RP1: variants seen among roughly 807,000 people sequenced by gnomAD.
The protein encoded by RP1 is oxygen-regulated protein 1.
Under a neutral mutation model 14.8 loss-of-function variants are expected in RP1, and 16 were observed. That is an observed-to-expected ratio of 1.08 (90% CI 0.73 to 1.65). The LOEUF (loss-of-function observed/expected upper bound fraction) is 1.65. Ranked by LOEUF, RP1 falls within the 40% of genes most tolerant of loss-of-function variation. The pLI, the probability that RP1 is intolerant of heterozygous loss-of-function variation, is 0.00. For missense variants in RP1, 2,631 were observed against 2,535.0 expected (o/e 1.04, Z -0.81); for synonymous variants, 876 against 883.6 (o/e 0.99, Z 0.15).
chr8:54,609,383 G>A (rs978805044), intron 1 of RP1, among the ~76,000 whole-genome samples: 1 of 152,122 alleles, frequency 6.6e-6, no homozygotes, highest in Non-Finnish European at 1.5e-5. Context: ...GAGCCTGGGA[G>A]GTAGAGGCTG....
At chr8:54,760,397 G>C (rs1301177576) in intron 22 of RP1, among the ~76,000 whole-genome samples, 1 of 152,082 alleles carries the variant, frequency 6.6e-6, no homozygotes, top group Non-Finnish European at 1.5e-5. Context: ...GCATCATTCT[G>C]ACTTTATCTT....
chr8:54,811,874 C>T (rs1811003832), intron 24 of RP1, among the ~76,000 whole-genome samples: 1 of 152,240 alleles, frequency 6.6e-6, no homozygotes, highest in African/African-American at 2.4e-5. Context: ...CCTTCCTTCA[C>T]ACTATTCAGC....
chr8:54,852,818 A>T lies in RP1; in HGVS notation c.3990+90A>T, dbSNP rs1226939236. 7.3e-6 allele frequency: 7 copies of T among 964,096 alleles called. No homozygotes were observed. The African/African-American group carries it at 1.2e-4, about 16-fold the overall frequency. The allele number at this position is 964,096 out of a possible 1,614,324, so 59.7% of individuals were successfully genotyped here. A position where few individuals can be genotyped will look rare whatever the true frequency, so the allele number is the denominator to read the frequency against. On this transcript the variant is annotated intron_variant, in intron 26 of 28. Coordinates refer to the RP1 transcript ENST00000637698. Reference sequence around the variant, plus strand: ...CACACACAAACAGAAAATTTCTGAGATGCTCAGTTGATTCCTGTGAGGAAT... The same window carrying T: ...CACACACAAACAGAAAATTTCTGAGTTGCTCAGTTGATTCCTGTGAGGAAT...
intron 24 of RP1, among the ~76,000 whole-genome samples, chr8:54,821,142 G>A (rs1369274092): frequency 6.6e-6 from 1 of 152,062 alleles, no homozygotes; most frequent in Non-Finnish European, 1.5e-5. Flanking sequence ...AGAGAAGGTA[G>A]GTGTAGAAAA....
At chr8:54,654,304 A>G (rs141152549) in intron 5 of RP1, among the ~76,000 whole-genome samples, 1 of 152,218 alleles carries the variant, frequency 6.6e-6, no homozygotes, top group Non-Finnish European at 1.5e-5. Flanking sequence ...ATTCCATGAT[A>G]GCAACAATAA....
chr8:54,645,316 A>G (rs1806523168), intron 3 of RP1, among the ~76,000 whole-genome samples: 1 of 152,216 alleles, frequency 6.6e-6, no homozygotes, highest in African/African-American at 2.4e-5. Context: ...TTTCCAAAGT[A>G]TTATGCCATT....
chr8:54,785,609 C>T (rs1810298534), intron 24 of RP1, among the ~76,000 whole-genome samples: 1 of 152,048 alleles, frequency 6.6e-6, no homozygotes, highest in African/African-American at 2.4e-5. Flanking sequence ...AACTGCCAAA[C>T]TGTTTTCCAA....
At chr8:54,673,745 A>AACG (rs1807232804) in intron 7 of RP1, 5 of 980,562 alleles carry the variant, frequency 5.1e-6, no homozygotes, top group Non-Finnish European at 7.4e-6. Flanking sequence ...GTCTCAAAAC[A>AACG]ACAACAACAA....
chr8:54,577,753 C>G (rs1022731561), intron 1 of RP1, among the ~76,000 whole-genome samples: 1 of 152,084 alleles, frequency 6.6e-6, no homozygotes, highest in African/African-American at 2.4e-5. Flanking sequence ...AGTTTAACTA[C>G]CCCTCACGGA....
At chr8:54,863,044 GATATATATATATATATATATAT>G (rs61233765) in intron 27 of RP1, among the ~76,000 whole-genome samples, 5 of 101,834 alleles carry the variant, frequency 4.9e-5, no homozygotes, top group Admixed American at 3.3e-4. Flanking sequence ...ATTCCAAATG[GATATATATATATATATATATAT>G]ATATATATAT....
At chr8:54,798,954 CA>C (rs554743343) in intron 24 of RP1, among the ~76,000 whole-genome samples, 4 of 151,738 alleles carry the variant, frequency 2.6e-5, no homozygotes, top group African/African-American at 4.8e-5. Flanking sequence ...ACTATGATAG[CA>C]AAAAATGTTA....
chr8:54,868,906 A>G (rs1219784014), intron 28 of RP1, among the ~76,000 whole-genome samples: 3 of 152,158 alleles, frequency 2.0e-5, no homozygotes, highest in African/African-American at 4.8e-5. Context: ...TAGAGGGGTT[A>G]CATTTTGTGT....
chr8:54,719,461 A>G (rs1237659993), intron 15 of RP1, among the ~76,000 whole-genome samples: 1 of 152,242 alleles, frequency 6.6e-6, no homozygotes, highest in Non-Finnish European at 1.5e-5. Context: ...GGAAATTTTA[A>G]TCCATCCTTA....
rs759131798 is a variant in RP1, at chr8:54,622,265, A to G, written c.764A>G (p.Asn255Ser). The change falls in exon 3 of 4, where the codon AAT (asparagine) becomes AGT (serine). Residue 255 changes from asparagine (N) to serine (S), a missense_variant. Physicochemically the swap from Asn to Ser is conservative, Grantham distance 46 (BLOSUM62 1). Coordinates refer to ENST00000220676, the MANE Select transcript of RP1 (RefSeq NM_006269.2). The part of the protein sequence containing the change: ...GISQRVYPKG[N>S]AKSESRKIST... ...TCTCAGCGTGTGTACCCCAAGGGAA[A>G]TGCAAAGTCAGAAAGCAGAAAGAGT... is the stretch of plus-strand genomic sequence containing the variant. 4.3e-6 allele frequency: 7 copies of G among 1,614,148 alleles called. No individual in the cohort carries two copies. Among genetic ancestry groups the G allele is most frequent in the Non-Finnish European group, 5.9e-6 (7 of 1,180,030 alleles).
chr8:54,678,277 T>G (rs1807342198), intron 8 of RP1, among the ~76,000 whole-genome samples: 1 of 152,236 alleles, frequency 6.6e-6, no homozygotes, highest in Non-Finnish European at 1.5e-5. Context: ...TTTTGTTATA[T>G]GTATAAGAAA....
At chr8:54,593,912 C>T (rs1805089447) in intron 1 of RP1, among the ~76,000 whole-genome samples, 1 of 152,234 alleles carries the variant, frequency 6.6e-6, no homozygotes, top group South Asian at 2.1e-4. Flanking sequence ...AGAGACTGGC[C>T]CACAGGGCAG....
intron 24 of RP1, among the ~76,000 whole-genome samples, chr8:54,799,518 C>T (rs1303490024): frequency 6.6e-6 from 1 of 152,034 alleles, no homozygotes; most frequent in Non-Finnish European, 1.5e-5. Flanking sequence ...GATCTACCAT[C>T]TTGCTAGTTG....
At chr8:54,657,832 A>AG (rs1806789134) in intron 6 of RP1, among the ~76,000 whole-genome samples, 1 of 152,242 alleles carries the variant, frequency 6.6e-6, no homozygotes, top group African/African-American at 2.4e-5. Flanking sequence ...TTTCCTGCGA[A>AG]GGATAAAGGT....
rs768555974 is a variant in RP1 at position 54,626,009 on chromosome 8, A to C, written c.2127A>C (p.Thr709=). 2.5e-6 allele frequency: 4 copies of C among 1,614,032 alleles called. No individual in the cohort carries two copies. Among genetic ancestry groups the C allele is most frequent in the Non-Finnish European group, 3.4e-6 (4 of 1,179,960 alleles). The change falls in exon 4 of 4, where the codon ACA becomes ACC. Residue 709 remains threonine, a synonymous_variant. Coordinates refer to ENST00000220676, the MANE Select transcript of RP1 (RefSeq NM_006269.2). The part of the protein sequence containing the change: ...NERINTKGRI[T]KEMIVQDSDS... ...GAATAAACACAAAAGGTAGAATTAC[A>C]AAGGAAATGATAGTGCAAGATTCAG...
Sources: gnomAD v4.1 joint callset for allele counts (sites outside exome capture counted in the v4.1 genomes callset) on GRCh38, gnomAD v4.1.1 for gene constraint, MANE v1.5 for transcripts, NCBI Gene and HGNC (gene_info 2026-07-23, HGNC 2026-07-21) for gene names.